The following PDE3A variants were observed in gnomAD, a reference collection of about 807,000 sequenced individuals.
The protein encoded by PDE3A is phosphodiesterase 3A.
A neutral mutation model predicts 98.3 loss-of-function variants in PDE3A; 43 were observed. The ratio of observed to expected loss-of-function variants is 0.44; its 90% confidence interval spans 0.34 to 0.56. The LOEUF (loss-of-function observed/expected upper bound fraction) is 0.56, where lower values mean the gene tolerates loss of function less well. Among genes scored for constraint, PDE3A ranks in the 20% least tolerant of loss-of-function variants. PDE3A has a pLI of 0.01. For synonymous variants in PDE3A, 663 were observed against 567.9 expected (o/e 1.17, Z -2.38); for missense variants, 1,427 against 1,440.7 (o/e 0.99, Z 0.15).
intron 1 of PDE3A, among the ~76,000 whole-genome samples, chr12:20,403,490 C>T (rs1296497175): frequency 6.6e-6 from 1 of 152,098 alleles, no homozygotes; most frequent in African/African-American, 2.4e-5. Context: ...GTATATTTTT[C>T]CTGTGTAGGA....
chr12:20,646,614 A>T lies in PDE3A; in HGVS notation c.2365+11A>T, dbSNP rs941224890. 1 of 1,487,534 alleles carries T rather than the reference A, an allele frequency of 6.7e-7. No individual in the cohort carries two copies. The highest frequency in any genetic ancestry group is 2.3e-5 in the East Asian group (1 of 44,254). The allele number at this position is 1,487,534 out of a possible 1,614,324, so 92.1% of individuals were successfully genotyped here. A position where few individuals can be genotyped will look rare whatever the true frequency, so the allele number is the denominator to read the frequency against. ...CAACCAGTGATTCAGGTATGTACGAAGTGAATCTGCACTGCCTTATGAAAG... is the reference window on the plus strand; with the variant it reads ...CAACCAGTGATTCAGGTATGTACGATGTGAATCTGCACTGCCTTATGAAAG... On this transcript the variant is annotated intron_variant, in intron 11 of 15. Transcript: ENST00000359062.
chr12:20,506,128 G>GTGTGTGTGTGTC (rs377692430), intron 1 of PDE3A, among the ~76,000 whole-genome samples: 47 of 146,914 alleles, frequency 3.2e-4, no homozygotes, highest in African/African-American at 1.2e-3. Context: ...GTGTGTGTGT[G>GTGTGTGTGTGTC]TATGTGTGTG....
intron 1 of PDE3A, among the ~76,000 whole-genome samples, chr12:20,431,693 A>G (rs747750110): frequency 1.6e-4 from 24 of 152,182 alleles, no homozygotes; most frequent in Non-Finnish European, 2.8e-4. Context: ...TACCTATAGT[A>G]TGTCTAAATT....
chr12:20,572,958 CCAGTCAAATGACTAGTCTA>C (rs1222910340), intron 2 of PDE3A, among the ~76,000 whole-genome samples: 2 of 152,016 alleles, frequency 1.3e-5, no homozygotes, highest in African/African-American at 4.8e-5. Flanking sequence ...TCAGTAACTA[CCAGTCAAATGACTAGTCTA>C]CATTTCTAAA....
At chr12:20,400,406 T>G (rs200483242) in intron 1 of PDE3A, among the ~76,000 whole-genome samples, 58,726 of 122,128 alleles carry the variant, frequency 0.48, 14,917 homozygotes, top group East Asian at 0.63. Flanking sequence ...TTTTTTTTTT[T>G]TTTTTTTTTT....
intron 5 of PDE3A, among the ~76,000 whole-genome samples, chr12:20,623,298 T>C (rs1026104778): frequency 1.3e-5 from 2 of 152,084 alleles, no homozygotes; most frequent in African/African-American, 4.8e-5. Flanking sequence ...AAAAAATACT[T>C]AGGTGAAGCC....
At chr12:20,410,398 A>C (rs1368819123) in intron 1 of PDE3A, among the ~76,000 whole-genome samples, 1 of 152,192 alleles carries the variant, frequency 6.6e-6, no homozygotes, top group Non-Finnish European at 1.5e-5. Context: ...AAGTCAATTC[A>C]CAGAGAAAAT....
chr12:20,510,925 T>G (rs1190415459), intron 1 of PDE3A, among the ~76,000 whole-genome samples: 11 of 152,076 alleles, frequency 7.2e-5, no homozygotes, highest in Admixed American at 7.2e-4. Flanking sequence ...TGCCATGTTC[T>G]GTGTTAAGAC....
intron 1 of PDE3A, among the ~76,000 whole-genome samples, chr12:20,528,987 T>C (rs1348294437): frequency 6.6e-6 from 1 of 152,156 alleles, no homozygotes; most frequent in South Asian, 2.1e-4. Context: ...TAAAAATTCA[T>C]GAGCAGGACA....
chr12:20,453,557 A>G (rs1945104397), intron 1 of PDE3A, among the ~76,000 whole-genome samples: 1 of 152,200 alleles, frequency 6.6e-6, no homozygotes, highest in Non-Finnish European at 1.5e-5. Context: ...GAGAACGATG[A>G]TTTGTCAAGA....
At chr12:20,472,779 G>C (rs1207943746) in intron 1 of PDE3A, among the ~76,000 whole-genome samples, 2 of 152,012 alleles carry the variant, frequency 1.3e-5, no homozygotes, top group Non-Finnish European at 2.9e-5. Flanking sequence ...ATTTGGTTTG[G>C]ATTAAAGAGC....
chr12:20,427,710 A>G (rs1944624372), intron 1 of PDE3A, among the ~76,000 whole-genome samples: 1 of 152,090 alleles, frequency 6.6e-6, no homozygotes, highest in Admixed American at 6.5e-5. Flanking sequence ...TACATTTATA[A>G]TGTATGTATT....
chr12:20,369,615 G>A lies in PDE3A; in HGVS notation c.331G>A (p.Val111Ile), dbSNP rs1338381788. ...EEAAPGAEGG[V>I]FPGPRGGAPG... is the part of the protein sequence containing the mutation. ...AGCAGCCCCGGGAGCAGAAGGGGGC[G>A]TCTTCCCGGGGCCTCGGGGAGGTGC... Residue 111 changes from valine to isoleucine, a missense_variant, in exon 1 of 16, where the codon GTC becomes ATC. Val to Ile is a conservative substitution (Grantham distance 29). Around this residue, in one of 3 missense-constraint regions of PDE3A, gnomAD observed 1,012 missense variants for 886.5 expected, o/e 1.14. Transcript: ENST00000359062. 1.3e-6 allele frequency: 2 copies of A among 1,576,074 alleles called. No individual in the cohort carries two copies. The highest frequency in any genetic ancestry group is 2.3e-5 in the East Asian group (1 of 43,092).
At chr12:20,406,363 G>A (rs1365445330) in intron 1 of PDE3A, among the ~76,000 whole-genome samples, 3 of 152,120 alleles carry the variant, frequency 2.0e-5, no homozygotes, top group Admixed American at 6.5e-5. Context: ...GCATGTAAGG[G>A]TTCCCGTTTT....
At chr12:20,648,295 A>G (rs1037980294) in intron 12 of PDE3A, among the ~76,000 whole-genome samples, 1 of 149,926 alleles carries the variant, frequency 6.7e-6, no homozygotes, top group Admixed American at 6.7e-5. Flanking sequence ...ATTTATATTT[A>G]CATATATATG....
At chr12:20,648,926 T>TC (rs1944845314) in intron 13 of PDE3A, 35 bp downstream of exon 13, 5 of 1,185,344 alleles carry the variant, frequency 4.2e-6, no homozygotes, top group Admixed American at 2.5e-5. Context: ...CTTTTCTTTT[T>TC]CTTTTTTTTT....
intron 11 of PDE3A, 70 bp downstream of exon 11, chr12:20,646,673 T>G (rs896864536): frequency 7.3e-5 from 105 of 1,440,482 alleles, no homozygotes; most frequent in Non-Finnish European, 9.2e-5. Flanking sequence ...TTTGTTTTTT[T>G]TCAAAAAGAA....
At chr12:20,456,667 T>C (rs966886621) in intron 1 of PDE3A, among the ~76,000 whole-genome samples, 2 of 152,166 alleles carry the variant, frequency 1.3e-5, no homozygotes, top group African/African-American at 2.4e-5. Flanking sequence ...ATTATGTATA[T>C]GTGTGTCCAT....
In PDE3A at chr12:20,648,755, T is replaced by C. The variant is rs200906596; in HGVS notation, c.2633T>C (p.Met878Thr). 1.9e-6 allele frequency: 3 copies of C among 1,613,346 alleles called. No individual in the cohort carries two copies. The highest frequency in any genetic ancestry group is 1.7e-6 in the Non-Finnish European group (2 of 1,179,286). ...GCAGCTGCTGCATGGAATCTTTTCA[T>C]GTCCCGGCCAGAGTATAACTTCTTA... ...HHAAAAWNLFMSRPEYNFLIN... is the reference protein window; with the variant it reads ...HHAAAAWNLFTSRPEYNFLIN... The change falls in exon 13 of 16, where the codon ATG becomes ACG. Residue 878 changes from methionine to threonine, a missense_variant. Around this residue, in one of 3 missense-constraint regions of PDE3A, gnomAD observed 273 missense variants for 420.3 expected, o/e 0.65. Transcript: ENST00000359062.
Sources: gnomAD v4.1 joint callset for allele counts (sites outside exome capture counted in the v4.1 genomes callset) on GRCh38, gnomAD v4.1.1 for gene constraint, gnomAD v4.1.1 regional missense constraint, MANE v1.5 for transcripts, NCBI Gene and HGNC (gene_info 2026-07-23, HGNC 2026-07-21) for gene names.